The following DPP6 variants were observed in gnomAD, a reference collection of about 807,000 sequenced individuals.
DPP6 encodes the protein A-type potassium channel modulatory protein DPP6.
Under a neutral mutation model 122.6 loss-of-function variants are expected in DPP6, and 69 were observed. That is an observed-to-expected ratio of 0.56 (90% confidence interval 0.46 to 0.69). The LOEUF (loss-of-function observed/expected upper bound fraction) is 0.69. Ranked by LOEUF, DPP6 falls within the 30% of genes least tolerant of loss-of-function variation. The pLI, the probability that DPP6 is intolerant of heterozygous loss-of-function variation, is 0.00. For synonymous variants in DPP6, 418 were observed against 433.1 expected (o/e 0.97, Z 0.43); for missense variants, 928 against 1,116.9 (o/e 0.83, Z 2.41).
chr7:154,848,360 C>G (rs183053565), intron 16 of DPP6, among the ~76,000 whole-genome samples: 1 of 152,136 alleles, frequency 6.6e-6, no homozygotes. Context: ...TTATAATAGC[C>G]ATTCTCACAG....
At chr7:154,708,943 G>C (rs1840988746) in intron 7 of DPP6, among the ~76,000 whole-genome samples, 1 of 152,036 alleles carries the variant, frequency 6.6e-6, no homozygotes, top group South Asian at 2.1e-4. Context: ...AGCTACTCAG[G>C]AGGCTGAGGC....
chr7:153,936,539 G>C, intron 1 of DPP6, among the ~76,000 whole-genome samples: 1 of 152,150 alleles, frequency 6.6e-6, no homozygotes. Flanking sequence ...GGGCGTGGTG[G>C]CTCATGCCTG....
intron 1 of DPP6, among the ~76,000 whole-genome samples, chr7:154,258,640 A>G (rs139733964): frequency 3.9e-5 from 6 of 152,356 alleles, no homozygotes; most frequent in African/African-American, 1.2e-4. Context: ...TAAGTAAACA[A>G]TCAGTAAAAT....
chr7:154,439,933 G>A (rs1819216770), intron 1 of DPP6, among the ~76,000 whole-genome samples: 1 of 152,178 alleles, frequency 6.6e-6, no homozygotes, highest in African/African-American at 2.4e-5. Flanking sequence ...AAGGGTGTGG[G>A]AGAGCCCTGG....
chr7:154,263,401 A>G (rs6464397), intron 1 of DPP6, among the ~76,000 whole-genome samples: 3,867 of 152,298 alleles, frequency 0.025, 158 homozygotes, highest in African/African-American at 0.086. Flanking sequence ...TTTTAATTCC[A>G]TAGCCATTTT....
At chr7:153,902,060 A>G (rs563685769) in intron 1 of DPP6, among the ~76,000 whole-genome samples, 1 of 152,356 alleles carries the variant, frequency 6.6e-6, no homozygotes, top group East Asian at 1.9e-4. Flanking sequence ...AATCCTCTCC[A>G]CAAAGGTAGT....
rs1463784007 is a variant in DPP6, at chr7:154,574,443, TGTGTG to T, written c.627+7533_627+7537del. On this transcript the variant is annotated intron_variant, in intron 5 of 25. Coordinates refer to ENST00000377770, the MANE Select transcript of DPP6 (RefSeq NM_130797.4). ...TGTATATGTGTGGTGTGTGTGTATGTGTGTGGTGTGTGTGTGGTACGTGTATATGT... is the reference window on the plus strand; with the variant it reads ...TGTATATGTGTGGTGTGTGTGTATGTGTGTGTGTGTGGTACGTGTATATGT... Among the ~76,000 whole-genome samples, 529 of 138,010 alleles carry T rather than the reference TGTGTG, an allele frequency of 3.8e-3. 7 individuals are homozygous for T. The East Asian group carries it at 0.044, about 11-fold the overall frequency. The allele number at this position is 138,010 out of a possible 152,430, so 90.5% of individuals were successfully genotyped here. A position where few individuals can be genotyped will look rare whatever the true frequency, so the allele number is the denominator to read the frequency against.
intron 1 of DPP6, among the ~76,000 whole-genome samples, chr7:154,315,959 C>T (rs767709135): frequency 7.9e-5 from 12 of 152,184 alleles, no homozygotes; most frequent in Non-Finnish European, 1.3e-4. Context: ...GTATCTCTGA[C>T]GCCAAGCACA....
At chr7:154,076,892 T>G (rs1170931694) in intron 1 of DPP6, among the ~76,000 whole-genome samples, 1 of 151,530 alleles carries the variant, frequency 6.6e-6, no homozygotes, top group African/African-American at 2.4e-5. Flanking sequence ...GAAATAGGTC[T>G]CTAGAGAAGT....
intron 1 of DPP6, among the ~76,000 whole-genome samples, chr7:154,042,493 T>C (rs2129058321): frequency 6.6e-6 from 1 of 152,312 alleles, no homozygotes; most frequent in Middle Eastern, 3.4e-3. Flanking sequence ...GTCAAGCTTT[T>C]CTCAGTGTTC....
At chr7:153,969,002 A>C (rs39162) in intron 1 of DPP6, among the ~76,000 whole-genome samples, 43,841 of 147,394 alleles carry the variant, frequency 0.3, 7,260 homozygotes, top group Non-Finnish European at 0.37. Flanking sequence ...TCTGTTGATC[A>C]ATGGTGGACA....
chr7:154,398,919 T>C (rs1338108062), intron 1 of DPP6, among the ~76,000 whole-genome samples: 1 of 152,240 alleles, frequency 6.6e-6, no homozygotes, highest in Non-Finnish European at 1.5e-5. Flanking sequence ...AAATACTTTC[T>C]TCAGAAGGAA....
At chr7:153,876,850 C>A in the DPP6 span, among the ~76,000 whole-genome samples, 2 of 151,926 alleles carry the variant, frequency 1.3e-5, no homozygotes, top group Admixed American at 1.3e-4. Context: ...TTTTACTGTA[C>A]CTTTTCTATG....
At chr7:153,871,017 T>A in the DPP6 span, among the ~76,000 whole-genome samples, 1 of 152,154 alleles carries the variant, frequency 6.6e-6, no homozygotes, top group Admixed American at 6.5e-5. Flanking sequence ...GGAAGTTTTG[T>A]CTCAGAGGAG....
At chr7:154,636,444 A>C (rs1373465048) in intron 5 of DPP6, among the ~76,000 whole-genome samples, 1 of 152,196 alleles carries the variant, frequency 6.6e-6, no homozygotes, top group Non-Finnish European at 1.5e-5. Flanking sequence ...AAAGGAGTTA[A>C]GTTCCTGTGT....
intron 1 of DPP6, among the ~76,000 whole-genome samples, chr7:154,252,446 C>G (rs903477063): frequency 6.6e-6 from 1 of 152,220 alleles, no homozygotes; most frequent in African/African-American, 2.4e-5. Flanking sequence ...CAGACTGACC[C>G]TTAGTCAGAT....
chr7:153,804,327 C>T, the DPP6 span, among the ~76,000 whole-genome samples: 1 of 151,958 alleles, frequency 6.6e-6, no homozygotes, highest in Non-Finnish European at 1.5e-5. Context: ...GCTGAGATTA[C>T]AGGCATGAGC....
At chr7:154,005,315 C>T (rs1331495016) in intron 1 of DPP6, among the ~76,000 whole-genome samples, 5 of 152,176 alleles carry the variant, frequency 3.3e-5, no homozygotes, top group Admixed American at 2.6e-4. Flanking sequence ...AGGGCTTCCC[C>T]AGTTGGCCTG....
At chr7:154,710,378 AC>A (rs1193860141) in intron 7 of DPP6, among the ~76,000 whole-genome samples, 1 of 152,264 alleles carries the variant, frequency 6.6e-6, no homozygotes, top group Non-Finnish European at 1.5e-5. Flanking sequence ...TTCCAGGGCA[AC>A]AAAAGCAGGA....
Sources: gnomAD v4.1 joint callset for allele counts (sites outside exome capture counted in the v4.1 genomes callset) on GRCh38, gnomAD v4.1.1 for gene constraint, MANE v1.5 for transcripts, NCBI Gene and HGNC (gene_info 2026-07-23, HGNC 2026-07-21) for gene names.